Variants in GALNT18 observed in about 807,000 individuals in gnomAD.
GALNT18 encodes the protein polypeptide N-acetylgalactosaminyltransferase 18.
Under a neutral mutation model 69.5 loss-of-function variants are expected in GALNT18, and 44 were observed. The observed-to-expected ratio is 0.63, with a 90% CI of 0.50 to 0.81. The LOEUF (loss-of-function observed/expected upper bound fraction) is 0.81, where lower values mean the gene tolerates loss of function less well. Ranked by LOEUF, GALNT18 falls within the 40% of genes least tolerant of loss-of-function variation. The probability of loss-of-function intolerance (pLI) is 0.00; values close to 1 mark genes in which losing one functional copy is unlikely to be tolerated. For missense variants in GALNT18, 715 were observed against 810.0 expected (o/e 0.88, Z 1.42); for synonymous variants, 364 against 318.2 (o/e 1.14, Z -1.53).
chr11:11,271,440 CT>C (rs1442275951), intron 10 of GALNT18, 150 bp from the exon 11 acceptor site: 18 of 743,352 alleles, frequency 2.4e-5, no homozygotes, highest in Non-Finnish European at 3.8e-5. Context: ...GCAGGCTCCC[CT>C]ATCACTCATA....
chr11:11,412,586 G>A (rs1854756551), intron 3 of GALNT18, among the ~76,000 whole-genome samples: 1 of 152,224 alleles, frequency 6.6e-6, no homozygotes. Context: ...CCTGGTCTCT[G>A]CATGACCTGC....
Position 11,377,048 on chromosome 11 carries a change from C to T in GALNT18, c.977+134G>A. 1.4e-6 allele frequency: 1 copy of T among 714,668 alleles called. No individual in the cohort carries two copies. The highest frequency in any genetic ancestry group is 1.8e-5 in the South Asian group (1 of 55,834). The allele number at this position is 714,668 out of a possible 1,614,324, so 44.3% of individuals were successfully genotyped here. On this transcript the variant is annotated intron_variant, in intron 5 of 10. Coordinates refer to ENST00000227756, the MANE Select transcript of GALNT18 (RefSeq NM_198516.3). The surrounding 1 kb of genome is among the most constrained non-coding windows in gnomAD (Gnocchi z 4.6). ...GTGGCAGTGACTGAAGATCAGACTG[C>T]AGTTCCTTTCGACCCTGCCCACCCC...
At position 11,598,358 on chromosome 11, in the gene GALNT18, A is replaced by C. The variant is rs1441469360; in HGVS notation, c.235+23001T>G. Among the ~76,000 whole-genome samples the C allele has an allele frequency of 6.6e-6, 1 of 152,190 alleles. No homozygotes were observed. Among genetic ancestry groups the C allele is most frequent in the African/African-American group, 2.4e-5 (1 of 41,468 alleles). ...CTCGAGGCAAAATCAAGGTGTCAGC[A>C]GGGCTATACTTCTTTGCAGGCTCTA... On this transcript the variant is annotated intron_variant, in intron 1 of 10. Transcript: ENST00000227756. This position sits in a 1 kb window ranked among gnomAD's most constrained non-coding sequence, Gnocchi z 4.8.
chr11:11,616,985 C>A lies in GALNT18; in HGVS notation c.235+4374G>T, dbSNP rs146188840. Among the ~76,000 whole-genome samples the A allele has an allele frequency of 3.1e-3, 468 of 152,226 alleles. 8 individuals carry two copies. Among genetic ancestry groups the A allele is most frequent in the South Asian group, 0.024 (118 of 4,826 alleles). ...TCATTGCAAAAGATCAGACAAAAAT[C>A]GTAACAATTTAGGCTACTACACTGA... On this transcript the variant is annotated intron_variant, in intron 1 of 10. Transcript: ENST00000227756. The surrounding 1 kb of genome is among the most constrained non-coding windows in gnomAD (Gnocchi z 4.4).
intron 6 of GALNT18, chr11:11,353,380 C>A: frequency 1.7e-6 from 1 of 588,282 alleles, no homozygotes; most frequent in Non-Finnish European, 3.0e-6. Context: ...TAACTGGGCT[C>A]ATCTATTTAC....
Position 11,621,089 on chromosome 11 carries a change from C to T in GALNT18, c.235+270G>A, listed in dbSNP as rs1228834775. Among the ~76,000 whole-genome samples, 5 of 152,192 alleles carry T rather than the reference C, an allele frequency of 3.3e-5. No homozygotes were observed. Among genetic ancestry groups the T allele is most frequent in the Non-Finnish European group, 2.9e-5 (2 of 68,034 alleles). The stretch of plus-strand genomic sequence containing the variant: ...AGTCACACGCACATTTGGACACGTG[C>T]GCAGCGCGCCCCCATACCGCCAGCT... On this transcript the variant is annotated intron_variant, in intron 1 of 10. Transcript: ENST00000227756. This position sits in a 1 kb window ranked among gnomAD's most constrained non-coding sequence, Gnocchi z 9.3.
At chr11:11,358,043 C>T (rs986280155) in intron 6 of GALNT18, among the ~76,000 whole-genome samples, 2 of 152,166 alleles carry the variant, frequency 1.3e-5, no homozygotes, top group African/African-American at 4.8e-5. Context: ...GCTGATTCTT[C>T]TCTGAGACTG....
rs542756358 is a variant in GALNT18, at chr11:11,340,707, C to A, written c.1278+112G>T. The A allele has an allele frequency of 9.8e-7, 1 of 1,017,854 alleles. No homozygotes were observed. Among genetic ancestry groups the A allele is most frequent in the East Asian group, 2.5e-5 (1 of 39,380 alleles). 63.1% of individuals were successfully genotyped at this position (1,017,854 alleles called of 1,614,324 possible). On this transcript the variant is annotated intron_variant, in intron 7 of 10. Coordinates refer to ENST00000227756, the MANE Select transcript of GALNT18 (RefSeq NM_198516.3). This position sits in a 1 kb window ranked among gnomAD's most constrained non-coding sequence, Gnocchi z 4.2. ...TTTTGGGGTTGAGAGTCCATTCTTG[C>A]ATGGCAAACAGGACTCTGGCTGACC... is the stretch of plus-strand genomic sequence containing the variant.
At chr11:11,293,239 A>G (rs1313093552) in intron 9 of GALNT18, 46 bp from the exon 10 acceptor site, 1 of 1,304,278 alleles carries the variant, frequency 7.7e-7, no homozygotes, top group Non-Finnish European at 9.8e-7. Flanking sequence ...GCCAATGGCC[A>G]CGGAGACAGG....
intron 1 of GALNT18, among the ~76,000 whole-genome samples, chr11:11,517,104 G>T (rs1015090954): frequency 9.8e-5 from 15 of 152,342 alleles, no homozygotes; most frequent in African/African-American, 3.4e-4. Flanking sequence ...ACCAGGAAGA[G>T]GACCCTCACC....
rs1421419202 is a variant in GALNT18 at position 11,432,365 on chromosome 11, A to G, written c.595+256T>C. On this transcript the variant is annotated intron_variant, in intron 3 of 10. Transcript: ENST00000227756. The surrounding 1 kb of genome is among the most constrained non-coding windows in gnomAD (Gnocchi z 5.8). The stretch of plus-strand genomic sequence containing the variant: ...GAGGTCAGGGCCTTCTATCTTATCT[A>G]TTGCACTGGAATATGGGAGGGGAGA... Among the ~76,000 whole-genome samples, 1 of 152,170 alleles carries G rather than the reference A, an allele frequency of 6.6e-6. No individual in the cohort carries two copies. The highest frequency in any genetic ancestry group is 1.5e-5 in the Non-Finnish European group (1 of 68,026).
chr11:11,379,600 C>A (rs890478538), intron 3 of GALNT18, among the ~76,000 whole-genome samples: 2 of 152,234 alleles, frequency 1.3e-5, no homozygotes, highest in Admixed American at 6.5e-5. Flanking sequence ...CATCATGCAG[C>A]TTGTGAGTGG....
At chr11:11,410,383 C>T (rs189989336) in intron 3 of GALNT18, among the ~76,000 whole-genome samples, 1 of 151,856 alleles carries the variant, frequency 6.6e-6, no homozygotes, top group Non-Finnish European at 1.5e-5. Flanking sequence ...ATCCTGCGGT[C>T]GGGGGATTGA....
At chr11:11,345,117 C>A (rs988416827) in intron 6 of GALNT18, among the ~76,000 whole-genome samples, 6 of 152,236 alleles carry the variant, frequency 3.9e-5, no homozygotes, top group African/African-American at 1.4e-4. Flanking sequence ...GTACACAACG[C>A]TCCCTTCTCA....
chr11:11,299,477 C>G (rs1343084526), intron 9 of GALNT18, among the ~76,000 whole-genome samples: 1 of 152,168 alleles, frequency 6.6e-6, no homozygotes, highest in Non-Finnish European at 1.5e-5. Context: ...CACTTCCCTC[C>G]CACCTCTTCC....
At chr11:11,327,661 A>G (rs1849947629) in intron 8 of GALNT18, among the ~76,000 whole-genome samples, 1 of 152,206 alleles carries the variant, frequency 6.6e-6, no homozygotes, top group African/African-American at 2.4e-5. Context: ...CCCACTGCTT[A>G]GGGTCTTCCA....
intron 1 of GALNT18, among the ~76,000 whole-genome samples, chr11:11,588,149 C>T (rs1297830609): frequency 1.3e-5 from 2 of 152,086 alleles, no homozygotes; most frequent in South Asian, 2.1e-4. Context: ...TGAGCCATAC[C>T]CCCTTCCTGG....
At chr11:11,438,519 A>G (rs1855460050) in intron 2 of GALNT18, among the ~76,000 whole-genome samples, 1 of 152,220 alleles carries the variant, frequency 6.6e-6, no homozygotes, top group African/African-American at 2.4e-5. Context: ...ACAATTCCGT[A>G]CGGTAAACAG....
Position 11,293,068 on chromosome 11 carries a change from G to C in GALNT18, c.1638C>G (p.Ala546=). 1.4e-6 allele frequency: 2 copies of C among 1,389,286 alleles called. No individual in the cohort carries two copies. Among genetic ancestry groups the C allele is most frequent in the Non-Finnish European group, 1.9e-6 (2 of 1,062,902 alleles). The allele number at this position is 1,389,286 out of a possible 1,614,324, so 86.1% of individuals were successfully genotyped here. Residue 546 remains alanine, a synonymous_variant, in exon 10 of 11, where the codon GCC becomes GCG. Transcript: ENST00000227756. ...SRPRLIECSY[A]KAKRMKLHWQ... ...AGTGAAGCTTCATCCTCTTGGCTTT[G>C]GCGTAGCTGCATTCGATGAGCCGGG...
Sources: gnomAD v4.1 joint callset for allele counts (sites outside exome capture counted in the v4.1 genomes callset) on GRCh38, gnomAD v4.1.1 for gene constraint, Gnocchi (gnomAD v3.1) non-coding constraint, MANE v1.5 for transcripts, NCBI Gene and HGNC (gene_info 2026-07-23, HGNC 2026-07-21) for gene names.